Variants in PELI2 observed in about 807,000 individuals in gnomAD.
PELI2 encodes E3 ubiquitin-protein ligase pellino homolog 2.
In PELI2, 23 loss-of-function variants were observed where a neutral mutation model predicts 42.3. The ratio of observed to expected loss-of-function variants is 0.54; its 90% CI spans 0.39 to 0.77. PELI2 has a LOEUF of 0.77. PELI2 is among the 30% of genes least tolerant of loss of function. The probability of loss-of-function intolerance (pLI) is 0.00; values close to 1 mark genes in which losing one functional copy is unlikely to be tolerated. For synonymous variants in PELI2, 245 were observed against 212.2 expected, an observed-to-expected ratio of 1.15 and a Z score of -1.34; for missense variants, 463 against 553.2, an observed-to-expected ratio of 0.84 and a Z score of 1.64.
At chr14:56,136,247 A>G (rs1883685752) in intron 1 of PELI2, among the ~76,000 whole-genome samples, 1 of 152,180 alleles carries the variant, frequency 6.6e-6, no homozygotes, top group Admixed American at 6.5e-5. Context: ...AGTATTTTCA[A>G]GGGGGTGTGG....
Position 56,164,967 on chromosome 14 carries a change from G to GT in PELI2, c.78-13357dup, listed in dbSNP as rs35554850. ...GGCTAAAGGTTTGTCAATTTTGTTG[G>GT]TTTTTTTTTTTCAAAAAACCAACTT... is the stretch of plus-strand genomic sequence containing the variant. On this transcript the variant is annotated intron_variant, in intron 1 of 5. Transcript: ENST00000267460. Among the ~76,000 whole-genome samples, 99 of 145,036 alleles carry GT rather than the reference G, an allele frequency of 6.8e-4. 2 individuals carry two copies. The highest frequency in any genetic ancestry group is 3.6e-3 in the South Asian group (17 of 4,668).
intron 2 of PELI2, among the ~76,000 whole-genome samples, chr14:56,236,263 G>A (rs12895741): frequency 0.4 from 61,361 of 152,048 alleles, 13,107 homozygotes; most frequent in South Asian, 0.53. Context: ...CCCACATAGC[G>A]TTATTCTAGC....
intron 1 of PELI2, among the ~76,000 whole-genome samples, chr14:56,153,597 T>C (rs1454785302): frequency 6.6e-6 from 1 of 152,160 alleles, no homozygotes; most frequent in African/African-American, 2.4e-5. Context: ...GAGTTAAAAA[T>C]TTGACTAATA....
At chr14:56,223,032 A>G (rs563926082) in intron 2 of PELI2, among the ~76,000 whole-genome samples, 1 of 152,112 alleles carries the variant, frequency 6.6e-6, no homozygotes, top group Admixed American at 6.5e-5. Flanking sequence ...GAAGGGGTAA[A>G]TGGCTGCAGC....
chr14:56,169,981 A>G (rs1885106946), intron 1 of PELI2, among the ~76,000 whole-genome samples: 1 of 152,224 alleles, frequency 6.6e-6, no homozygotes, highest in Non-Finnish European at 1.5e-5. Flanking sequence ...TAGTGCATTT[A>G]TACAGTGAGT....
intron 1 of PELI2, among the ~76,000 whole-genome samples, chr14:56,154,479 C>T (rs8004311): frequency 0.41 from 62,543 of 151,978 alleles, 13,702 homozygotes; most frequent in South Asian, 0.55. Flanking sequence ...TAAGTGGCAG[C>T]TCCCCCCATT....
chr14:56,168,675 G>A lies in PELI2; in HGVS notation c.78-9660G>A, dbSNP rs7152171. ...CTTGGTGCTCTACCCCCCTGTGGCC[G>A]TGCTGGTACGTAAGGTGCAAGACAA... On this transcript the variant is annotated intron_variant, in intron 1 of 5. Coordinates refer to ENST00000267460, the MANE Select transcript of PELI2 (RefSeq NM_021255.3). Among the ~76,000 whole-genome samples, 141 of 152,112 alleles carry A rather than the reference G, an allele frequency of 9.3e-4. No homozygotes were observed. The East Asian group carries it at 0.023, about 25-fold the overall frequency.
At chr14:56,250,229 AT>A (rs1888298714) in intron 2 of PELI2, among the ~76,000 whole-genome samples, 1 of 152,112 alleles carries the variant, frequency 6.6e-6, no homozygotes. Context: ...CACTGGAAAC[AT>A]TTCTATTTGT....
At chr14:56,126,569 C>T (rs1236866103) in intron 1 of PELI2, among the ~76,000 whole-genome samples, 1 of 152,138 alleles carries the variant, frequency 6.6e-6, no homozygotes, top group Non-Finnish European at 1.5e-5. Context: ...GGCTTCTAGG[C>T]TATTGGTATA....
chr14:56,208,772 T>C (rs1886609639), intron 2 of PELI2, among the ~76,000 whole-genome samples: 1 of 152,232 alleles, frequency 6.6e-6, no homozygotes, highest in African/African-American at 2.4e-5. Flanking sequence ...GAAAAGCACT[T>C]GTGCAGTTGT....
At chr14:56,125,388 T>C (rs991573598) in intron 1 of PELI2, among the ~76,000 whole-genome samples, 1 of 126,124 alleles carries the variant, frequency 7.9e-6, no homozygotes, top group Non-Finnish European at 1.6e-5. Context: ...TAAAGCAGGA[T>C]AAGGAGGAAG....
chr14:56,157,574 A>C (rs1206039404), intron 1 of PELI2, among the ~76,000 whole-genome samples: 1 of 152,360 alleles, frequency 6.6e-6, no homozygotes, highest in Non-Finnish European at 1.5e-5. Context: ...AACAAAGCCA[A>C]AATGATTTGT....
chr14:56,145,976 G>A (rs1352710224), intron 1 of PELI2, among the ~76,000 whole-genome samples: 1 of 152,152 alleles, frequency 6.6e-6, no homozygotes, highest in Non-Finnish European at 1.5e-5. Context: ...AGTTTGTAAT[G>A]AAATATAAAA....
At chr14:56,275,472 T>C (rs1483927820) in intron 2 of PELI2, among the ~76,000 whole-genome samples, 2 of 152,190 alleles carry the variant, frequency 1.3e-5, no homozygotes, top group Non-Finnish European at 2.9e-5. Context: ...CTGAGTTTGT[T>C]TTCCAGCAAC....
At chr14:56,163,558 T>C (rs1276389047) in intron 1 of PELI2, among the ~76,000 whole-genome samples, 1 of 152,154 alleles carries the variant, frequency 6.6e-6, no homozygotes, top group African/African-American at 2.4e-5. Context: ...CTATTCTGGG[T>C]CTTTTGTTGC....
chr14:56,234,913 G>T (rs1043119945), intron 2 of PELI2, among the ~76,000 whole-genome samples: 11 of 152,068 alleles, frequency 7.2e-5, no homozygotes, highest in Admixed American at 3.3e-4. Flanking sequence ...GCTGGCAGGG[G>T]CTTAAATTGC....
At chr14:56,205,147 G>A (rs1276668196) in intron 2 of PELI2, among the ~76,000 whole-genome samples, 1 of 152,204 alleles carries the variant, frequency 6.6e-6, no homozygotes, top group Non-Finnish European at 1.5e-5. Flanking sequence ...CCAGTGCAAG[G>A]GTCATGGGGA....
At chr14:56,157,056 A>G (rs151266283) in intron 1 of PELI2, among the ~76,000 whole-genome samples, 107 of 152,348 alleles carry the variant, frequency 7.0e-4, no homozygotes, top group African/African-American at 2.3e-3. Flanking sequence ...GCTATTTGTG[A>G]TAATTGCCAA....
chr14:56,199,694 T>C (rs1886262178), intron 2 of PELI2, among the ~76,000 whole-genome samples: 1 of 152,244 alleles, frequency 6.6e-6, no homozygotes, highest in Non-Finnish European at 1.5e-5. Flanking sequence ...CTACAGGTTA[T>C]ATAAACGGAT....
Sources: allele counts gnomAD v4.1 joint callset (sites outside exome capture counted in the v4.1 genomes callset), GRCh38; gene constraint gnomAD v4.1.1; transcripts MANE v1.5; gene names NCBI Gene and HGNC (gene_info 2026-07-23, HGNC 2026-07-21).